Variants in CFAP61 observed in about 807,000 individuals in gnomAD.
CFAP61 encodes cilia and flagella associated protein 61.
A neutral mutation model predicts 135.6 loss-of-function variants in CFAP61; 107 were observed. That is an observed-to-expected ratio of 0.79 (90% CI 0.67 to 0.93). The LOEUF (loss-of-function observed/expected upper bound fraction) is 0.93. Among genes scored for constraint, CFAP61 ranks in the 40% least tolerant of loss-of-function variants. CFAP61 has a pLI of 0.00. For synonymous variants in CFAP61, 575 were observed against 578.5 expected (o/e 0.99, Z 0.09); for missense variants, 1,507 against 1,556.2 (o/e 0.97, Z 0.53).
chr20:20,133,917 A>G (rs567396305), intron 8 of CFAP61, among the ~76,000 whole-genome samples: 1 of 152,264 alleles, frequency 6.6e-6, no homozygotes, highest in African/African-American at 2.4e-5. Flanking sequence ...CTTTCATGCA[A>G]CCCGCCTAGT....
intron 8 of CFAP61, among the ~76,000 whole-genome samples, chr20:20,138,172 A>AAGGAAG (rs1340474274): frequency 1.3e-5 from 2 of 152,138 alleles, no homozygotes; most frequent in Admixed American, 1.3e-4. Context: ...TTTCAAGTGG[A>AAGGAAG]AGGAAGGAGT....
At chr20:20,357,014 CTG>C (rs1183096330) in intron 26 of CFAP61, among the ~76,000 whole-genome samples, 1 of 91,602 alleles carries the variant, frequency 1.1e-5, no homozygotes, top group African/African-American at 4.2e-5. Context: ...GGTGGTCACA[CTG>C]TGAGGGGAGG....
rs187121749 is a variant in CFAP61, at chr20:20,109,543, C to T, written c.859+10729C>T. The stretch of plus-strand genomic sequence containing the variant: ...TCCATTTCAGGCAGATGGCTCCTGA[C>T]TTACTTTGTAGCCAGAATAGACTTC... On this transcript the variant is annotated intron_variant, in intron 8 of 26. Coordinates refer to ENST00000245957, the MANE Select transcript of CFAP61 (RefSeq NM_015585.4). 2.6e-3 allele frequency among the ~76,000 whole-genome samples: 392 copies of T among 152,234 alleles called. 2 individuals carry two copies. The highest frequency in any genetic ancestry group is 2.5e-3 in the Non-Finnish European group (172 of 68,020).
intron 25 of CFAP61, among the ~76,000 whole-genome samples, chr20:20,298,618 C>CAGGGTTGCA (rs1241802766): frequency 3.9e-5 from 6 of 152,172 alleles, no homozygotes; most frequent in African/African-American, 1.4e-4. Flanking sequence ...GGGCCTGGAC[C>CAGGGTTGCA]CCAGGTGCAA....
chr20:20,085,423 T>G (rs775924911), intron 6 of CFAP61: 13 of 1,363,860 alleles, frequency 9.5e-6, no homozygotes, highest in Non-Finnish European at 1.2e-5. Context: ...AAGGAATGCA[T>G]TTAGCAGAAC....
chr20:20,090,758 G>A, intron 6 of CFAP61, 86 bp from the exon 7 acceptor site: 2 of 1,253,084 alleles, frequency 1.6e-6, no homozygotes, highest in Non-Finnish European at 2.3e-6. Flanking sequence ...CCGGCACTTA[G>A]AACAGGGTCT....
At chr20:20,149,420 C>G (rs2052206423) in intron 9 of CFAP61, among the ~76,000 whole-genome samples, 1 of 152,182 alleles carries the variant, frequency 6.6e-6, no homozygotes, top group Non-Finnish European at 1.5e-5. Flanking sequence ...TGAACTTTTG[C>G]TTCGGAAACC....
At chr20:20,358,440 A>T (rs1602199633) in intron 26 of CFAP61, among the ~76,000 whole-genome samples, 1 of 152,312 alleles carries the variant, frequency 6.6e-6, no homozygotes, top group East Asian at 1.9e-4. Flanking sequence ...AGCATACAAT[A>T]TGAGCTCAAA....
At chr20:20,107,051 C>T (rs2048460146) in intron 8 of CFAP61, among the ~76,000 whole-genome samples, 1 of 152,196 alleles carries the variant, frequency 6.6e-6, no homozygotes, top group Non-Finnish European at 1.5e-5. Flanking sequence ...ATTGCTTGCA[C>T]TGAATACTTT....
At position 20,159,450 on chromosome 20, in the gene CFAP61, G is replaced by A; in HGVS notation, c.1026+6G>A. ...GAAATGTTAGTGAACCGGAGGTAGGGTTTGACGAGGGCCTTTGCGTGCCTT... is the reference window on the plus strand; with the variant it reads ...GAAATGTTAGTGAACCGGAGGTAGGATTTGACGAGGGCCTTTGCGTGCCTT... On this transcript the variant is annotated splice_donor_region_variant and intron_variant, in intron 10 of 26. Transcript: ENST00000245957. 1 of 1,613,344 alleles carries A rather than the reference G, an allele frequency of 6.2e-7. No individual in the cohort carries two copies. The highest frequency in any genetic ancestry group is 8.5e-7 in the Non-Finnish European group (1 of 1,179,322).
intron 17 of CFAP61, among the ~76,000 whole-genome samples, chr20:20,201,277 C>CACCT (rs1201419977): frequency 6.6e-6 from 1 of 152,196 alleles, no homozygotes; most frequent in African/African-American, 2.4e-5. Flanking sequence ...TGCACATGGG[C>CACCT]ACCTGTTCCA....
intron 26 of CFAP61, among the ~76,000 whole-genome samples, chr20:20,342,209 G>T (rs568868061): frequency 6.6e-6 from 1 of 152,262 alleles, no homozygotes; most frequent in Non-Finnish European, 1.5e-5. Flanking sequence ...AATCTGAGTT[G>T]CATCTACTTG....
chr20:20,235,965 C>G (rs2049558261), intron 18 of CFAP61, among the ~76,000 whole-genome samples: 1 of 152,162 alleles, frequency 6.6e-6, no homozygotes, highest in Non-Finnish European at 1.5e-5. Flanking sequence ...AAGTGTACTT[C>G]TCTGAAGATA....
At chr20:20,207,718 T>G (rs1277072875) in intron 17 of CFAP61, among the ~76,000 whole-genome samples, 3 of 152,194 alleles carry the variant, frequency 2.0e-5, no homozygotes, top group African/African-American at 7.2e-5. Flanking sequence ...TGATTAAAAA[T>G]AAATATGTTA....
chr20:20,312,531 G>A (rs1354794092), intron 25 of CFAP61, among the ~76,000 whole-genome samples: 1 of 152,160 alleles, frequency 6.6e-6, no homozygotes, highest in Non-Finnish European at 1.5e-5. Flanking sequence ...ACAACTTCAA[G>A]TGGCCTAAAG....
intron 6 of CFAP61, among the ~76,000 whole-genome samples, chr20:20,088,634 G>C (rs1460210329): frequency 1.3e-5 from 2 of 150,426 alleles, no homozygotes; most frequent in Non-Finnish European, 2.9e-5. Context: ...GATGAGATTT[G>C]GGTGGGGACA....
In CFAP61 at chr20:20,299,590, A is replaced by G. The variant is rs567991120; in HGVS notation, c.3422+1204A>G. ...GTTTTAAAGATGTGTACTTAGACAC[A>G]TGTGATTTCCTAAATAATATATTAA... On this transcript the variant is annotated intron_variant, in intron 25 of 26. Transcript: ENST00000245957. Among the ~76,000 whole-genome samples, 6 of 152,360 alleles carry G rather than the reference A, an allele frequency of 3.9e-5. No individual in the cohort carries two copies. The East Asian group carries it at 1.2e-3, about 29-fold the overall frequency.
intron 17 of CFAP61, chr20:20,215,127 A>C (rs2047951976): frequency 6.6e-6 from 1 of 152,130 alleles, no homozygotes; most frequent in Non-Finnish European, 1.5e-5. Context: ...GTTGTTTTGG[A>C]GACGCGTGCT....
chr20:20,144,710 A>G (rs1366999046), intron 9 of CFAP61, among the ~76,000 whole-genome samples: 1 of 152,178 alleles, frequency 6.6e-6, no homozygotes, highest in African/African-American at 2.4e-5. Context: ...AAGAACATAA[A>G]GAAAACTATA....
Sources: gnomAD v4.1 joint callset for allele counts (sites outside exome capture counted in the v4.1 genomes callset) on GRCh38, gnomAD v4.1.1 for gene constraint, MANE v1.5 for transcripts, NCBI Gene and HGNC (gene_info 2026-07-23, HGNC 2026-07-21) for gene names.